The following VRK2 variants were observed in gnomAD, a reference collection of about 807,000 sequenced individuals.
VRK2 encodes the protein serine/threonine-protein kinase VRK2.
Under a neutral mutation model 57.6 loss-of-function variants are expected in VRK2, and 60 were observed. That is an observed-to-expected ratio of 1.04 (90% CI 0.85 to 1.29). The LOEUF (loss-of-function observed/expected upper bound fraction) is 1.29. VRK2 is among the 50% of genes most tolerant of loss of function. VRK2 has a pLI of 0.00. For synonymous variants in VRK2, 231 were observed against 199.2 expected (o/e 1.16, Z -1.35); for missense variants, 705 against 588.1 (o/e 1.20, Z -2.06).
chr2:58,143,431 C>A (rs1486271779), intron 11 of VRK2, among the ~76,000 whole-genome samples: 1 of 151,916 alleles, frequency 6.6e-6, no homozygotes, highest in Non-Finnish European at 1.5e-5. Flanking sequence ...TTCACTCTTA[C>A]AATAAAAGTT....
intron 1 of VRK2, among the ~76,000 whole-genome samples, chr2:57,961,166 C>T (rs1003973163): frequency 3.9e-5 from 6 of 152,236 alleles, no homozygotes; most frequent in Admixed American, 2.0e-4. Context: ...GGTAAGAATA[C>T]AAAGAGCTGG....
At chr2:57,925,699 CTGATT>C (rs1399035058) in intron 1 of VRK2, among the ~76,000 whole-genome samples, 3 of 151,270 alleles carry the variant, frequency 2.0e-5, no homozygotes, top group Non-Finnish European at 3.0e-5. Context: ...TATTTCTGCT[CTGATT>C]TATTATTTTT....
rs1418391584 is a variant in VRK2, at chr2:58,048,840, A to G, written c.9A>G (p.Pro3=). 1.2e-6 allele frequency: 2 copies of G among 1,613,510 alleles called. No homozygotes were observed. Among genetic ancestry groups the G allele is most frequent in the African/African-American group, 1.3e-5 (1 of 74,896 alleles). MP[P]KRNEKYKLPI... ...TTCTGCCAACAGAAGTGATGCCACC[A>G]AAAAGAAATGAAAAATACAAACTTC... is the stretch of plus-strand genomic sequence containing the variant. The change falls in exon 2 of 13, where the codon CCA becomes CCG. Residue 3 remains proline (P), a synonymous_variant. Transcript: ENST00000340157.
intron 1 of VRK2, among the ~76,000 whole-genome samples, chr2:57,924,305 T>C (rs542777428): frequency 1.1e-3 from 174 of 152,066 alleles, no homozygotes; most frequent in African/African-American, 4.1e-3. Flanking sequence ...TTGTAGATTG[T>C]TTCCACTAGA....
chr2:58,014,052 G>A (rs760369960), intron 1 of VRK2, among the ~76,000 whole-genome samples: 6 of 152,006 alleles, frequency 3.9e-5, no homozygotes, highest in Non-Finnish European at 8.8e-5. Context: ...ATATCACAAT[G>A]TTTCCACTTT....
chr2:57,913,635 A>C (rs976118142), intron 1 of VRK2, among the ~76,000 whole-genome samples: 2 of 152,134 alleles, frequency 1.3e-5, no homozygotes, highest in African/African-American at 4.8e-5. Context: ...CTTTAGATGC[A>C]CTTTTCACTG....
At chr2:57,953,952 G>A (rs192826020) in intron 1 of VRK2, among the ~76,000 whole-genome samples, 1 of 152,158 alleles carries the variant, frequency 6.6e-6, no homozygotes, top group East Asian at 1.9e-4. Context: ...GCTTGAATTC[G>A]GTCTTTCCCT....
In VRK2 at chr2:58,153,149, C is replaced by A. The variant is rs140340077; in HGVS notation, c.1183-6200C>A. Among the ~76,000 whole-genome samples, 10 of 152,098 alleles carry A rather than the reference C, an allele frequency of 6.6e-5. 1 individual carries two copies. The highest frequency in any genetic ancestry group is 1.3e-4 in the Admixed American group (2 of 15,282). On this transcript the variant is annotated intron_variant, in intron 12 of 12. Transcript: ENST00000340157. Reference sequence around the variant, plus strand: ...TTTGAGTGTATCATATAAATCAAATCTTATGATATGTAACTTGTTGAGAAT... The same window carrying A: ...TTTGAGTGTATCATATAAATCAAATATTATGATATGTAACTTGTTGAGAAT...
intron 2 of VRK2, among the ~76,000 whole-genome samples, chr2:58,051,493 T>G (rs1045912863): frequency 6.6e-6 from 1 of 152,236 alleles, no homozygotes; most frequent in Non-Finnish European, 1.5e-5. Context: ...TTACATCATG[T>G]TTTTGCATTT....
chr2:57,949,162 G>C (rs141593985), intron 1 of VRK2, among the ~76,000 whole-genome samples: 20 of 152,208 alleles, frequency 1.3e-4, no homozygotes, highest in African/African-American at 3.4e-4. Flanking sequence ...TTTGAAAATA[G>C]CTGGAAAAAT....
At chr2:58,024,443 T>A (rs1166382996) in intron 1 of VRK2, among the ~76,000 whole-genome samples, 2 of 152,120 alleles carry the variant, frequency 1.3e-5, no homozygotes, top group African/African-American at 2.4e-5. Context: ...ACTACTTAAG[T>A]GAGTAAAACC....
At chr2:57,984,409 C>T (rs1672530071) in intron 1 of VRK2, among the ~76,000 whole-genome samples, 2 of 152,108 alleles carry the variant, frequency 1.3e-5, no homozygotes, top group South Asian at 2.1e-4. Context: ...CCAAGTAGGT[C>T]ATTTCTAGAA....
chr2:57,917,525 A>G (rs1452869489), intron 1 of VRK2, among the ~76,000 whole-genome samples: 1 of 149,550 alleles, frequency 6.7e-6, no homozygotes, highest in African/African-American at 2.5e-5. Flanking sequence ...GTATTTTATT[A>G]TCTAAAATTA....
intron 1 of VRK2, among the ~76,000 whole-genome samples, chr2:58,006,041 G>A (rs367792950): frequency 6.6e-6 from 1 of 152,158 alleles, no homozygotes; most frequent in Non-Finnish European, 1.5e-5. Context: ...CCTGTAGCTA[G>A]ACTCATGTCC....
chr2:58,037,773 G>A (rs932812790), intron 3 of VRK2, among the ~76,000 whole-genome samples: 7 of 152,058 alleles, frequency 4.6e-5, no homozygotes, highest in African/African-American at 1.7e-4. Flanking sequence ...TTCAGAAAAT[G>A]ATCAAACTGA....
chr2:57,963,347 A>C (rs1420911546), intron 1 of VRK2, among the ~76,000 whole-genome samples: 1 of 152,216 alleles, frequency 6.6e-6, no homozygotes, highest in Non-Finnish European at 1.5e-5. Context: ...CATATTTTCA[A>C]GATGTATTTA....
At chr2:58,016,869 C>T (rs1673599689) in intron 1 of VRK2, among the ~76,000 whole-genome samples, 1 of 152,116 alleles carries the variant, frequency 6.6e-6, no homozygotes, top group African/African-American at 2.4e-5. Flanking sequence ...AGTTTTCATA[C>T]CTGAAACTAC....
intron 1 of VRK2, among the ~76,000 whole-genome samples, chr2:58,013,492 T>C: frequency 6.6e-6 from 1 of 152,262 alleles, no homozygotes; most frequent in South Asian, 2.1e-4. Flanking sequence ...AATGTTTGAA[T>C]CTGTAATTCC....
intron 1 of VRK2, among the ~76,000 whole-genome samples, chr2:57,912,099 G>A (rs1468431430): frequency 6.6e-6 from 1 of 152,160 alleles, no homozygotes; most frequent in East Asian, 1.9e-4. Context: ...TTAATGCCTA[G>A]TATTAACTGA....
Sources: gnomAD v4.1 joint callset for allele counts (sites outside exome capture counted in the v4.1 genomes callset) on GRCh38, gnomAD v4.1.1 for gene constraint, MANE v1.5 for transcripts, NCBI Gene and HGNC (gene_info 2026-07-23, HGNC 2026-07-21) for gene names.